Variants in GTF2E1 observed in about 807,000 individuals in gnomAD.
The protein encoded by GTF2E1 is general transcription factor IIE subunit 1.
A neutral mutation model predicts 34.9 loss-of-function variants in GTF2E1; 14 were observed. The observed-to-expected ratio is 0.40, with a 90% CI of 0.27 to 0.63. The LOEUF (loss-of-function observed/expected upper bound fraction) is 0.63. GTF2E1 is among the 20% of genes least tolerant of loss of function. The probability of loss-of-function intolerance (pLI) is 0.39; values close to 1 mark genes in which losing one functional copy is unlikely to be tolerated. For missense variants in GTF2E1, 469 were observed against 557.7 expected (o/e 0.84, Z 1.60); for synonymous variants, 188 against 192.9 (o/e 0.97, Z 0.21).
In GTF2E1 at chr3:120,782,546, C is replaced by G. The variant is rs1016568540; in HGVS notation, c.*1076C>G. 3 of 152,232 alleles carry G rather than the reference C, an allele frequency of 2.0e-5. No homozygotes were observed. The highest frequency in any genetic ancestry group is 7.2e-5 in the African/African-American group (3 of 41,456). The allele number at this position is 152,232 out of a possible 1,614,324, so 9.4% of individuals were successfully genotyped here. On this transcript the variant is annotated 3_prime_UTR_variant, in exon 5 of 5. Transcript: ENST00000283875. ...AAGCATTGGTAACAGTGCCTTAGAA[C>G]TGTGTCAGTTAGTCTGATTTGGAAA...
intron 2 of GTF2E1, among the ~76,000 whole-genome samples, chr3:120,763,112 C>T: frequency 6.6e-6 from 1 of 152,110 alleles, no homozygotes; most frequent in East Asian, 1.9e-4. Flanking sequence ...AATTCACTAC[C>T]TTCCGCATAT....
At chr3:120,743,931 C>G (rs1709081429) in intron 1 of GTF2E1, among the ~76,000 whole-genome samples, 1 of 152,092 alleles carries the variant, frequency 6.6e-6, no homozygotes, top group Non-Finnish European at 1.5e-5. Context: ...ACACGTGGGT[C>G]TGGGCTGGGG....
At chr3:120,764,219 A>G in intron 2 of GTF2E1, among the ~76,000 whole-genome samples, 1 of 151,972 alleles carries the variant, frequency 6.6e-6, no homozygotes, top group East Asian at 1.9e-4. Context: ...ATACTTATAT[A>G]CTATGGATGT....
Position 120,781,186 on chromosome 3 carries a change from G to T in GTF2E1, c.1036G>T (p.Val346Leu), listed in dbSNP as rs1559836108. 3 of 1,614,160 alleles carry T rather than the reference G, an allele frequency of 1.9e-6. No individual in the cohort carries two copies. The highest frequency in any genetic ancestry group is 1.7e-6 in the Non-Finnish European group (2 of 1,180,014). The change falls in exon 5 of 5, where the codon GTG (valine) becomes TTG (leucine). Residue 346 changes from valine to leucine, a missense_variant. Transcript: ENST00000283875. Reference protein sequence around the residue: ...MAGSVGAAAPVTAANGSDSES... With the variant: ...MAGSVGAAAPLTAANGSDSES... ...TGGTTCAGTGGGGGCAGCTGCTCCA[G>T]TGACCGCTGCCAATGGCAGTGACTC...
chr3:120,746,245 C>T (rs1303623432), intron 1 of GTF2E1, among the ~76,000 whole-genome samples: 2 of 152,198 alleles, frequency 1.3e-5, no homozygotes, highest in Non-Finnish European at 1.5e-5. Flanking sequence ...ATATGATTCT[C>T]CATTGAAATA....
intron 4 of GTF2E1, among the ~76,000 whole-genome samples, chr3:120,779,237 C>T (rs1709427179): frequency 6.6e-6 from 1 of 152,058 alleles, no homozygotes; most frequent in South Asian, 2.1e-4. Context: ...TTTCTTTTTC[C>T]CTAATTTAAT....
chr3:120,755,990 A>C lies in GTF2E1; in HGVS notation c.448+4990A>C, dbSNP rs188533073. 4.2e-4 allele frequency among the ~76,000 whole-genome samples: 64 copies of C among 152,264 alleles called. 2 individuals carry two copies. The highest frequency in any genetic ancestry group is 2.2e-3 in the Admixed American group (33 of 15,286). On this transcript the variant is annotated intron_variant, in intron 2 of 4. Coordinates refer to ENST00000283875, the MANE Select transcript of GTF2E1 (RefSeq NM_005513.3). ...GTACTCCATTGTGTATGTGCACCAC[A>C]GTTTCTTTATCTAGTCATCTGTTGA...
At chr3:120,764,256 A>T (rs1709288643) in intron 2 of GTF2E1, among the ~76,000 whole-genome samples, 1 of 152,050 alleles carries the variant, frequency 6.6e-6, no homozygotes, top group Non-Finnish European at 1.5e-5. Context: ...GACTACCCCC[A>T]ACTAGAATGT....
At chr3:120,754,131 G>A (rs4591448) in intron 2 of GTF2E1, among the ~76,000 whole-genome samples, 1 of 152,160 alleles carries the variant, frequency 6.6e-6, no homozygotes, top group Admixed American at 6.6e-5. Flanking sequence ...GGGTGATTTA[G>A]TTAATCACCC....
Position 120,750,527 on chromosome 3 carries a change from T to G in GTF2E1, c.-26T>G. 3 of 1,577,270 alleles carry G rather than the reference T, an allele frequency of 1.9e-6. No homozygotes were observed. ...TCTGTTTTTTTTTGAATTCAGTATATTTAAAGTTGGAGTTCGTTGCTAAAG... is the reference window on the plus strand; with the variant it reads ...TCTGTTTTTTTTTGAATTCAGTATAGTTAAAGTTGGAGTTCGTTGCTAAAG... On this transcript the variant is annotated 5_prime_UTR_variant, in exon 2 of 5. Coordinates refer to ENST00000283875, the MANE Select transcript of GTF2E1 (RefSeq NM_005513.3).
At chr3:120,743,312 A>T (rs187891828) in intron 1 of GTF2E1, among the ~76,000 whole-genome samples, 7 of 152,242 alleles carry the variant, frequency 4.6e-5, no homozygotes, top group African/African-American at 1.7e-4. Context: ...ATCTTTTAAC[A>T]TCCTGAATTT....
At chr3:120,747,395 C>T (rs902570951) in intron 1 of GTF2E1, among the ~76,000 whole-genome samples, 6 of 152,124 alleles carry the variant, frequency 3.9e-5, no homozygotes, top group South Asian at 2.1e-4. Context: ...TATCCCTCCC[C>T]GCTCCCTCCT....
At chr3:120,773,080 C>T (rs1576362566) in intron 3 of GTF2E1, among the ~76,000 whole-genome samples, 2 of 152,078 alleles carry the variant, frequency 1.3e-5, no homozygotes, top group African/African-American at 2.4e-5. Flanking sequence ...TGGAGGCAGA[C>T]AAGAAAGACA....
At chr3:120,774,351 T>C (rs1709380879) in intron 3 of GTF2E1, among the ~76,000 whole-genome samples, 1 of 151,636 alleles carries the variant, frequency 6.6e-6, no homozygotes, top group African/African-American at 2.4e-5. Flanking sequence ...AAAAACCAGA[T>C]CAGACCAAGA....
chr3:120,774,920 T>A (rs1478173376), intron 3 of GTF2E1, among the ~76,000 whole-genome samples: 4 of 152,202 alleles, frequency 2.6e-5, no homozygotes, highest in Non-Finnish European at 5.9e-5. Flanking sequence ...ACTGGGCAAC[T>A]GGAGATAACA....
chr3:120,775,248 G>A lies in GTF2E1; in HGVS notation c.651-1175G>A, dbSNP rs139708377. On this transcript the variant is annotated intron_variant, in intron 3 of 4. Transcript: ENST00000283875. ...ACTAATGAAGTATTTATTAGATTCAGAATGAGTCGGGGCTCCACACAGGAG... is the reference window on the plus strand; with the variant it reads ...ACTAATGAAGTATTTATTAGATTCAAAATGAGTCGGGGCTCCACACAGGAG... Among the ~76,000 whole-genome samples the A allele has an allele frequency of 2.1e-4, 32 of 152,284 alleles. No individual in the cohort carries two copies. In the East Asian group the frequency reaches 6.0e-3, roughly 28 times the overall value.
chr3:120,749,567 C>T (rs539561300), intron 1 of GTF2E1, among the ~76,000 whole-genome samples: 22 of 152,128 alleles, frequency 1.4e-4, no homozygotes, highest in Admixed American at 9.2e-4. Flanking sequence ...TATTGATTTG[C>T]GTATATTGAA....
chr3:120,747,320 A>G (rs1438393183), intron 1 of GTF2E1, among the ~76,000 whole-genome samples: 1 of 151,938 alleles, frequency 6.6e-6, no homozygotes, highest in African/African-American at 2.4e-5. Flanking sequence ...ATATGTATAC[A>G]TGTGCCATGT....
intron 4 of GTF2E1, among the ~76,000 whole-genome samples, chr3:120,779,119 T>G (rs1431181061): frequency 6.6e-6 from 1 of 152,194 alleles, no homozygotes; most frequent in African/African-American, 2.4e-5. Context: ...TCCTTGTTTT[T>G]TGTTTTCTGT....
Sources: gnomAD v4.1 joint callset for allele counts (sites outside exome capture counted in the v4.1 genomes callset) on GRCh38, gnomAD v4.1.1 for gene constraint, MANE v1.5 for transcripts, NCBI Gene and HGNC (gene_info 2026-07-23, HGNC 2026-07-21) for gene names.